The following CACNA1G variants were observed in gnomAD, a reference collection of about 807,000 sequenced individuals.
CACNA1G encodes voltage-dependent T-type calcium channel subunit alpha-1G.
CACNA1G carries 67 observed loss-of-function variants against 219.4 expected under a neutral mutation model. That is an observed-to-expected ratio of 0.31 (90% CI 0.25 to 0.37). The LOEUF (loss-of-function observed/expected upper bound fraction) is 0.37, where lower values mean the gene tolerates loss of function less well. Ranked by LOEUF, CACNA1G falls within the 10% of genes least tolerant of loss-of-function variation. The pLI is 1.00. For synonymous variants in CACNA1G, 1,296 were observed against 1,345.3 expected (o/e 0.96, Z 0.80); for missense variants, 2,380 against 3,231.4 (o/e 0.74, Z 6.39).
intron 26 of CACNA1G, among the ~76,000 whole-genome samples, chr17:50,613,522 T>G (rs2049726012): frequency 6.6e-6 from 1 of 152,052 alleles, no homozygotes; most frequent in Non-Finnish European, 1.5e-5. Context: ...AGCTGCTCCG[T>G]TTGGCCTGGA....
At chr17:50,570,134 G>C (rs1449250244) in intron 4 of CACNA1G, among the ~76,000 whole-genome samples, 1 of 152,134 alleles carries the variant, frequency 6.6e-6, no homozygotes, top group East Asian at 1.9e-4. Context: ...GCAAGGAGTG[G>C]ACGCAAAGTG....
At chr17:50,576,652 AT>A (rs1307215723) in intron 8 of CACNA1G, among the ~76,000 whole-genome samples, 1 of 152,212 alleles carries the variant, frequency 6.6e-6, no homozygotes, top group African/African-American at 2.4e-5. Context: ...GCAAAATTCC[AT>A]TGGATCCTCT....
Position 50,578,373 on chromosome 17 carries a change from G to A in CACNA1G, c.2110G>A (p.Asp704Asn), listed in dbSNP as rs369290866. Residue 704 changes from aspartate to asparagine, a missense_variant, in exon 9 of 38, where the codon GAC becomes AAC. Asp to Asn is a conservative substitution (Grantham distance 23, BLOSUM62 1). Transcript: ENST00000359106. This position sits in a 1 kb window ranked among gnomAD's most constrained non-coding sequence, Gnocchi z 4.5. ...YEFTQDAQHS[D>N]LRDPHSRRQR... The stretch of plus-strand genomic sequence containing the variant: ...GTTCACACAGGATGCCCAGCACAGC[G>A]ACCTCCGGGACCCCCACAGCCGGCG... 2.1e-5 allele frequency: 34 copies of A among 1,613,128 alleles called. No individual in the cohort carries two copies. The highest frequency in any genetic ancestry group is 2.7e-5 in the Non-Finnish European group (32 of 1,179,858).
rs542038781 is a variant in CACNA1G at position 50,572,843 on chromosome 17, G to A, written c.1036G>A (p.Ala346Thr). ...NFDNIGYAWI[A>T]IFQVITLEGW... ...TGACAACATTGGCTATGCCTGGATC[G>A]CCATCTTCCAGGTGGGGCAGCCTGG... The change falls in exon 6 of 38, where the codon GCC becomes ACC. Residue 346 changes from alanine to threonine, a missense_variant. Ala to Thr is a moderately conservative substitution (Grantham distance 58). Transcript: ENST00000359106. 1.9e-6 allele frequency: 3 copies of A among 1,611,722 alleles called. No homozygotes were observed. The highest frequency in any genetic ancestry group is 1.7e-4 in the Middle Eastern group (1 of 6,058).
At chr17:50,606,304 A>G in intron 23 of CACNA1G, 1 of 682,430 alleles carries the variant, frequency 1.5e-6, no homozygotes, top group Non-Finnish European at 2.7e-6. Context: ...TACATGGTGG[A>G]GCAGGAAGCA....
In CACNA1G at chr17:50,621,069, C is replaced by T. The variant is rs1014897482; in HGVS notation, c.5926-591C>T. ...CAGAGCCCAAGTTGGAGAGGGCGGGCGGGCTGCAGGCAGGCGGAGGAGGGC... is the reference window on the plus strand; with the variant it reads ...CAGAGCCCAAGTTGGAGAGGGCGGGTGGGCTGCAGGCAGGCGGAGGAGGGC... On this transcript the variant is annotated intron_variant, in intron 34 of 37. Coordinates refer to ENST00000359106, the MANE Select transcript of CACNA1G (RefSeq NM_018896.5). This position sits in a 1 kb window ranked among gnomAD's most constrained non-coding sequence, Gnocchi z 4.6. Among the ~76,000 whole-genome samples the T allele has an allele frequency of 2.0e-5, 3 of 152,106 alleles. No homozygotes were observed. The highest frequency in any genetic ancestry group is 7.2e-5 in the African/African-American group (3 of 41,432).
At chr17:50,592,408 C>T (rs1233418793) in intron 13 of CACNA1G, among the ~76,000 whole-genome samples, 1 of 152,170 alleles carries the variant, frequency 6.6e-6, no homozygotes, top group Non-Finnish European at 1.5e-5. Flanking sequence ...TGTGGTGCAG[C>T]TGGACTCCTG....
chr17:50,600,197 C>T lies in CACNA1G; in HGVS notation c.3690+338C>T, dbSNP rs896826579. Among the ~76,000 whole-genome samples, 4 of 152,198 alleles carry T rather than the reference C, an allele frequency of 2.6e-5. No individual in the cohort carries two copies. Among genetic ancestry groups the T allele is most frequent in the African/African-American group, 4.8e-5 (2 of 41,438 alleles). The stretch of plus-strand genomic sequence containing the variant: ...ACTGATGCCCCGCATCCCCCTTTCT[C>T]GTCTCAACCTCATCACAAGCCATGA... On this transcript the variant is annotated intron_variant, in intron 17 of 37. Coordinates refer to ENST00000359106, the MANE Select transcript of CACNA1G (RefSeq NM_018896.5). The surrounding 1 kb of genome is among the most constrained non-coding windows in gnomAD (Gnocchi z 4.1).
chr17:50,607,038 A>G, intron 24 of CACNA1G, 49 bp downstream of exon 24: 1 of 1,389,488 alleles, frequency 7.2e-7, no homozygotes, highest in Non-Finnish European at 1.0e-6. Context: ...GTCACTCAGC[A>G]TGGGCTGATT....
chr17:50,561,285 A>G lies in CACNA1G; in HGVS notation c.-175A>G. ...TGCGCCCCGGCGCCCCGCGGGCAGCATGCCCCTGCGGGCAGGGGGAGCTGG... is the reference window on the plus strand; with the variant it reads ...TGCGCCCCGGCGCCCCGCGGGCAGCGTGCCCCTGCGGGCAGGGGGAGCTGG... On this transcript the variant is annotated 5_prime_UTR_variant, in exon 1 of 38. It removes an upstream start codon present in the reference 5' UTR. Coordinates refer to ENST00000359106, the MANE Select transcript of CACNA1G (RefSeq NM_018896.5). 1 of 664,740 alleles carries G rather than the reference A, an allele frequency of 1.5e-6. No homozygotes were observed. The highest frequency in any genetic ancestry group is 2.4e-6 in the Non-Finnish European group (1 of 413,484). 41.2% of individuals were successfully genotyped at this position (664,740 alleles called of 1,614,324 possible).
chr17:50,600,008 T>C lies in CACNA1G; in HGVS notation c.3690+149T>C. ...AAACCGAGCTCCAAACAATCCCTTT[T>C]CTCCCTCTGCCCGCCTTGCCAAGCC... On this transcript the variant is annotated intron_variant, in intron 17 of 37. Transcript: ENST00000359106. This position sits in a 1 kb window ranked among gnomAD's most constrained non-coding sequence, Gnocchi z 4.1. The C allele has an allele frequency of 1.2e-6, 1 of 809,480 alleles. No homozygotes were observed. Among genetic ancestry groups the C allele is most frequent in the East Asian group, 2.7e-5 (1 of 37,182 alleles). The allele number at this position is 809,480 out of a possible 1,614,324, so 50.1% of individuals were successfully genotyped here. A position where few individuals can be genotyped will look rare whatever the true frequency, so the allele number is the denominator to read the frequency against.
chr17:50,562,386 G>A (rs1471731744), intron 1 of CACNA1G, among the ~76,000 whole-genome samples: 1 of 152,186 alleles, frequency 6.6e-6, no homozygotes, highest in African/African-American at 2.4e-5. Context: ...TGATGTCAGG[G>A]GCGCAGAATG....
intron 26 of CACNA1G, among the ~76,000 whole-genome samples, chr17:50,613,450 C>T (rs1030032094): frequency 1.3e-5 from 2 of 152,022 alleles, no homozygotes; most frequent in Admixed American, 6.5e-5. Context: ...AGGAGGGTCC[C>T]GGCTGAATTG....
chr17:50,618,039 T>C lies in CACNA1G; in HGVS notation c.5227-9T>C. On this transcript the variant is annotated splice_polypyrimidine_tract_variant and intron_variant, in intron 30 of 37. Transcript: ENST00000359106. The surrounding 1 kb of genome is among the most constrained non-coding windows in gnomAD (Gnocchi z 5.3). ...CGGCATCGTTTCTATTTCTTCTCCT[T>C]TTTTCCAGGTGGGGAACCTGGGACT... The C allele has an allele frequency of 1.2e-6, 2 of 1,613,802 alleles. No homozygotes were observed. Among genetic ancestry groups the C allele is most frequent in the Non-Finnish European group, 1.7e-6 (2 of 1,179,788 alleles).
In CACNA1G at chr17:50,606,910, C is replaced by T. The variant is rs1186052077; in HGVS notation, c.4433C>T (p.Ser1478Phe). 1 of 1,613,032 alleles carries T rather than the reference C, an allele frequency of 6.2e-7. No individual in the cohort carries two copies. The highest frequency in any genetic ancestry group is 1.3e-5 in the African/African-American group (1 of 75,016). Residue 1478 changes from serine to phenylalanine, a missense_variant, in exon 24 of 38, where the codon TCC becomes TTC. Physicochemically the swap from Ser to Phe is radical, Grantham distance 155. Coordinates refer to ENST00000359106, the MANE Select transcript of CACNA1G (RefSeq NM_018896.5). ...CCTCCTCCCCATCAGGCCCTGATGT[C>T]CCTGTTCGTTTTGGCCTCCAAGGAT... is the stretch of plus-strand genomic sequence containing the variant. ...NFDNLGQALM[S>F]LFVLASKDGW...
intron 8 of CACNA1G, among the ~76,000 whole-genome samples, chr17:50,576,613 T>C (rs1370011595): frequency 5.3e-5 from 8 of 152,352 alleles, no homozygotes; most frequent in Admixed American, 4.6e-4. Context: ...CACACAGCAA[T>C]GGCTGTGTGC....
intron 24 of CACNA1G, chr17:50,607,370 G>T: frequency 8.3e-6 from 3 of 363,418 alleles, no homozygotes; most frequent in Non-Finnish European, 1.1e-5. Context: ...GCCGGGTGTG[G>T]TGGTATCATC....
rs766047428 is a variant in CACNA1G, at chr17:50,626,558, AC to A, written c.6948del (p.Glu2317ArgfsTer47). ...KKLSPPSITI[D>X]PPESQGPRTP... ...CTCAGCCCGCCTAGTATCACCATAG[AC>A]CCCCCCGAGAGCCAAGGTCCTCGGA... On this transcript the variant is annotated frameshift_variant, in exon 38 of 38. Coordinates refer to ENST00000359106, the MANE Select transcript of CACNA1G (RefSeq NM_018896.5). LOFTEE classifies it high-confidence loss of function. The surrounding 1 kb of genome is among the most constrained non-coding windows in gnomAD (Gnocchi z 4.3). 1.5e-5 allele frequency: 24 copies of A among 1,581,526 alleles called. No individual in the cohort carries two copies. Among genetic ancestry groups the A allele is most frequent in the Admixed American group, 1.8e-5 (1 of 54,682 alleles).
Position 50,561,426 on chromosome 17 carries a change from C to T in CACNA1G, c.-34C>T, listed in dbSNP as rs1567925836. ...CCTCTGAGGGGCGCCGCTTGCCCCT[C>T]TCCGGATCGCCCGGGGCCCCGGCTG... On this transcript the variant is annotated 5_prime_UTR_variant, in exon 1 of 38. Transcript: ENST00000359106. 5 of 1,533,230 alleles carry T rather than the reference C, an allele frequency of 3.3e-6. No individual in the cohort carries two copies. Among genetic ancestry groups the T allele is most frequent in the Non-Finnish European group, 4.4e-6 (5 of 1,146,398 alleles). The allele number at this position is 1,533,230 out of a possible 1,614,324, so 95.0% of individuals were successfully genotyped here.
Sources: gnomAD v4.1 joint callset for allele counts (sites outside exome capture counted in the v4.1 genomes callset) on GRCh38, gnomAD v4.1.1 for gene constraint, Gnocchi (gnomAD v3.1) non-coding constraint, MANE v1.5 for transcripts, NCBI Gene and HGNC (gene_info 2026-07-23, HGNC 2026-07-21) for gene names.